The following JPH1 variants were observed in gnomAD, a reference collection of about 807,000 sequenced individuals.
JPH1 encodes the protein junctophilin 1, also known as junctophilin-1.
JPH1 carries 12 observed loss-of-function variants against 53.6 expected under a neutral mutation model. The ratio of observed to expected loss-of-function variants is 0.22; its 90% CI spans 0.14 to 0.36. The LOEUF (loss-of-function observed/expected upper bound fraction) is 0.36, where lower values mean the gene tolerates loss of function less well. JPH1 is among the 10% of genes least tolerant of loss of function. The probability of loss-of-function intolerance (pLI) is 1.00; values close to 1 mark genes in which losing one functional copy is unlikely to be tolerated. For synonymous variants in JPH1, 375 were observed against 363.8 expected, an observed-to-expected ratio of 1.03 and a Z score of -0.35; for missense variants, 808 against 905.5, an observed-to-expected ratio of 0.89 and a Z score of 1.38.
chr8:74,320,726 CA>C lies in JPH1; in HGVS notation c.379+182del, dbSNP rs1808290831. On this transcript the variant is annotated intron_variant, in intron 1 of 5. Transcript: ENST00000342232. The surrounding 1 kb of genome is among the most constrained non-coding windows in gnomAD (Gnocchi z 4.4). Reference sequence around the variant, plus strand: ...GGGGTCAGATCCAGCCCTCGCGCCCCAGTCCGGTCCCAGCGCCCTCTCTGGG... The same window carrying C: ...GGGGTCAGATCCAGCCCTCGCGCCCCGTCCGGTCCCAGCGCCCTCTCTGGG... Among the ~76,000 whole-genome samples, 1 of 152,182 alleles carries C rather than the reference CA, an allele frequency of 6.6e-6. No individual in the cohort carries two copies. Among genetic ancestry groups the C allele is most frequent in the African/African-American group, 2.4e-5 (1 of 41,464 alleles).
intron 2 of JPH1, among the ~76,000 whole-genome samples, chr8:74,309,651 A>G (rs1807933240): frequency 6.6e-6 from 1 of 152,250 alleles, no homozygotes; most frequent in South Asian, 2.1e-4. Context: ...ATTATTGGAG[A>G]CAAGAGTCGA....
At chr8:74,289,859 T>C (rs1807272548) in intron 2 of JPH1, among the ~76,000 whole-genome samples, 1 of 152,246 alleles carries the variant, frequency 6.6e-6, no homozygotes, top group South Asian at 2.1e-4. Context: ...TCTGTTTATG[T>C]GATGGATGAC....
At chr8:74,253,707 G>T (rs1193005872) in intron 3 of JPH1, among the ~76,000 whole-genome samples, 1 of 151,890 alleles carries the variant, frequency 6.6e-6, no homozygotes, top group Admixed American at 6.6e-5. Flanking sequence ...ATGACAAAGG[G>T]GATATTACCA....
At chr8:74,278,472 C>T (rs965597152) in intron 2 of JPH1, among the ~76,000 whole-genome samples, 6 of 152,142 alleles carry the variant, frequency 3.9e-5, no homozygotes, top group South Asian at 2.1e-4. Context: ...TTCCTGTTCC[C>T]GTGACATTAC....
At chr8:74,296,291 G>A (rs906630281) in intron 2 of JPH1, among the ~76,000 whole-genome samples, 1 of 152,112 alleles carries the variant, frequency 6.6e-6, no homozygotes. Context: ...ATCTAAAAAT[G>A]ACCTATTCAT....
chr8:74,251,504 T>C (rs1806060423), intron 3 of JPH1, among the ~76,000 whole-genome samples: 1 of 152,234 alleles, frequency 6.6e-6, no homozygotes. Context: ...CACAGTTATC[T>C]ATATACACAT....
At chr8:74,271,197 A>G (rs1440896418) in intron 2 of JPH1, among the ~76,000 whole-genome samples, 1 of 152,134 alleles carries the variant, frequency 6.6e-6, no homozygotes, top group African/African-American at 2.4e-5. Context: ...GCCATCTTCT[A>G]ACTGTGGGGA....
intron 2 of JPH1, among the ~76,000 whole-genome samples, chr8:74,282,436 C>T (rs748334455): frequency 2.0e-5 from 3 of 152,074 alleles, no homozygotes; most frequent in Non-Finnish European, 4.4e-5. Flanking sequence ...TTTTTCTGTG[C>T]CATTAGGATA....
At chr8:74,306,255 C>A (rs757202789) in intron 2 of JPH1, among the ~76,000 whole-genome samples, 6 of 152,158 alleles carry the variant, frequency 3.9e-5, no homozygotes, top group Non-Finnish European at 8.8e-5. Flanking sequence ...CAGGACAGAG[C>A]TGGCACCTAG....
At chr8:74,256,669 T>G (rs1202063294) in intron 3 of JPH1, among the ~76,000 whole-genome samples, 3 of 152,144 alleles carry the variant, frequency 2.0e-5, no homozygotes, top group Non-Finnish European at 4.4e-5. Context: ...AAGCTCATCA[T>G]CACTGTTCAT....
intron 2 of JPH1, among the ~76,000 whole-genome samples, chr8:74,293,596 T>C (rs1372356719): frequency 6.6e-6 from 1 of 152,176 alleles, no homozygotes; most frequent in African/African-American, 2.4e-5. Context: ...ATTCCCTAAA[T>C]TTCTCTGAGT....
intron 2 of JPH1, among the ~76,000 whole-genome samples, chr8:74,297,773 C>T (rs968637820): frequency 1.3e-5 from 2 of 152,254 alleles, no homozygotes; most frequent in African/African-American, 4.8e-5. Context: ...TTTATATAAA[C>T]GTAGTCAGAG....
intron 2 of JPH1, among the ~76,000 whole-genome samples, chr8:74,311,575 G>A (rs891712425): frequency 6.6e-6 from 1 of 151,844 alleles, no homozygotes; most frequent in Non-Finnish European, 1.5e-5. Flanking sequence ...ACAATGTGCA[G>A]GTTAGTTACA....
rs1049508889 is a variant in JPH1 at position 74,277,243 on chromosome 8, C to G, written c.1140-17740G>C. ...CATCCTGGTCCCCGCTGTGCTCCCGCCATCTGGAGGCCCTCACTGTTCCCT... is the reference window on the plus strand; with the variant it reads ...CATCCTGGTCCCCGCTGTGCTCCCGGCATCTGGAGGCCCTCACTGTTCCCT... On this transcript the variant is annotated intron_variant, in intron 2 of 5. Transcript: ENST00000342232. 1.5e-4 allele frequency among the ~76,000 whole-genome samples: 23 copies of G among 152,200 alleles called. 1 individual carries two copies. The highest frequency in any genetic ancestry group is 5.9e-5 in the Non-Finnish European group (4 of 68,038).
intron 2 of JPH1, among the ~76,000 whole-genome samples, chr8:74,288,120 T>C (rs1807221649): frequency 6.6e-6 from 1 of 152,192 alleles, no homozygotes; most frequent in Non-Finnish European, 1.5e-5. Context: ...CAGTACAATA[T>C]TGTCTAATAA....
chr8:74,242,817 T>C (rs867706654), intron 4 of JPH1, among the ~76,000 whole-genome samples: 2 of 152,216 alleles, frequency 1.3e-5, no homozygotes, highest in South Asian at 2.1e-4. Context: ...ACTACTGAGA[T>C]GGAGGATGCT....
intron 2 of JPH1, among the ~76,000 whole-genome samples, chr8:74,272,006 G>A (rs1238633561): frequency 6.6e-6 from 1 of 152,208 alleles, no homozygotes; most frequent in Admixed American, 6.5e-5. Flanking sequence ...ACAGAAACTC[G>A]AGGGGCGGTT....
chr8:74,296,040 A>ACACACACACACACACACACACACACG (rs1490917264), intron 2 of JPH1, among the ~76,000 whole-genome samples: 51 of 152,026 alleles, frequency 3.4e-4, no homozygotes, highest in African/African-American at 1.2e-3. Flanking sequence ...ACACACACAC[A>ACACACACACACACACACACACACACG]CACACGGAGT....
At chr8:74,262,733 T>C (rs556824246) in intron 2 of JPH1, among the ~76,000 whole-genome samples, 1 of 152,270 alleles carries the variant, frequency 6.6e-6, no homozygotes, top group African/African-American at 2.4e-5. Flanking sequence ...TTGTGAAGAG[T>C]TGCACCTTAT....
Sources: allele counts gnomAD v4.1 joint callset (sites outside exome capture counted in the v4.1 genomes callset), GRCh38; gene constraint gnomAD v4.1.1; non-coding constraint Gnocchi (gnomAD v3.1); transcripts MANE v1.5; gene names NCBI Gene and HGNC (gene_info 2026-07-23, HGNC 2026-07-21).